Variants in CSMD1 observed in about 807,000 individuals in gnomAD.
CSMD1 encodes the protein CUB and sushi domain-containing protein 1.
CSMD1 carries 213 observed loss-of-function variants against 417.5 expected under a neutral mutation model. That is an observed-to-expected ratio of 0.51 (90% CI 0.46 to 0.57). CSMD1 has a LOEUF of 0.57. CSMD1 is among the 20% of genes least tolerant of loss of function. The pLI is 0.00. For missense variants in CSMD1, 6,923 were observed against 4,529.7 expected, an observed-to-expected ratio of 1.53 and a Z score of -15.17; for synonymous variants, 2,862 against 1,736.8, an observed-to-expected ratio of 1.65 and a Z score of -16.11.
intron 3 of CSMD1, among the ~76,000 whole-genome samples, chr8:4,250,105 G>C (rs1802962087): frequency 6.6e-6 from 1 of 152,124 alleles, no homozygotes; most frequent in Non-Finnish European, 1.5e-5. Flanking sequence ...GGATGACTCA[G>C]CAAGAAAGCC....
chr8:4,637,466 A>C lies in CSMD1; in HGVS notation c.178T>G (p.Trp60Gly). 1 of 1,613,842 alleles carries C rather than the reference A, an allele frequency of 6.2e-7. No homozygotes were observed. Among genetic ancestry groups the C allele is most frequent in the Non-Finnish European group, 8.5e-7 (1 of 1,179,852 alleles). ...HGYPNYANCT[W>G]IIITGERNRI... The stretch of plus-strand genomic sequence containing the variant: ...TTGCGCTCGCCCGTGATGATGATCC[A>C]GGTGCAGTTGGCATAGTTCGGATAC... The change falls in exon 2 of 70, where the codon TGG becomes GGG. Residue 60 changes from tryptophan (W) to glycine (G), a missense_variant. Transcript: ENST00000635120.
chr8:4,245,127 C>G (rs536438664), intron 3 of CSMD1, among the ~76,000 whole-genome samples: 15 of 152,310 alleles, frequency 9.8e-5, no homozygotes, highest in African/African-American at 2.9e-4. Flanking sequence ...TCACTTCACA[C>G]AGAATGTTCC....
chr8:4,788,968 T>A (rs543797335), intron 1 of CSMD1, among the ~76,000 whole-genome samples: 232 of 152,228 alleles, frequency 1.5e-3, no homozygotes, highest in African/African-American at 5.5e-3. Context: ...TGAACTGAGA[T>A]CAGACAGCAC....
chr8:3,495,769 T>C lies in CSMD1; in HGVS notation c.1345-2043A>G, dbSNP rs532623647. 9.9e-4 allele frequency among the ~76,000 whole-genome samples: 151 copies of C among 152,288 alleles called. 3 individuals carry two copies. The Middle Eastern group carries it at 0.014, about 14-fold the overall frequency. ...AGACAAAAGGATAATACATTTCAAG[T>C]TGTGAGCAACTTTAATGACATTGAG... is the stretch of plus-strand genomic sequence containing the variant. On this transcript the variant is annotated intron_variant, in intron 10 of 69. Coordinates refer to ENST00000635120, the MANE Select transcript of CSMD1 (RefSeq NM_033225.6).
intron 12 of CSMD1, among the ~76,000 whole-genome samples, chr8:3,454,379 T>C (rs957389989): frequency 7.9e-5 from 12 of 152,176 alleles, no homozygotes; most frequent in African/African-American, 2.2e-4. Flanking sequence ...TTATTTTGCT[T>C]GTTAGTTGAG....
intron 3 of CSMD1, among the ~76,000 whole-genome samples, chr8:4,050,704 C>T (rs1798380550): frequency 6.6e-6 from 1 of 152,028 alleles, no homozygotes; most frequent in Admixed American, 6.6e-5. Context: ...CAAGCCCCAA[C>T]CTCAAAAACT....
intron 12 of CSMD1, among the ~76,000 whole-genome samples, chr8:3,438,801 T>C (rs1213167897): frequency 1.3e-5 from 2 of 152,028 alleles, no homozygotes; most frequent in African/African-American, 4.8e-5. Flanking sequence ...GGTCATATGA[T>C]AATTGCATGT....
At chr8:3,911,175 G>T (rs1389228411) in intron 5 of CSMD1, among the ~76,000 whole-genome samples, 1 of 152,152 alleles carries the variant, frequency 6.6e-6, no homozygotes. Context: ...GCAAGTGTCT[G>T]CTTCCAGACG....
At chr8:3,026,673 G>C (rs771043066) in intron 51 of CSMD1, among the ~76,000 whole-genome samples, 29 of 152,240 alleles carry the variant, frequency 1.9e-4, no homozygotes, top group African/African-American at 6.8e-4. Flanking sequence ...ACCGTGAGCA[G>C]AGGATCCAGC....
At chr8:4,711,924 C>A (rs1250875169) in intron 1 of CSMD1, among the ~76,000 whole-genome samples, 1 of 152,166 alleles carries the variant, frequency 6.6e-6, no homozygotes, top group Non-Finnish European at 1.5e-5. Context: ...AGGAAAGGGA[C>A]TGAGCTGGCT....
intron 10 of CSMD1, among the ~76,000 whole-genome samples, chr8:3,539,160 T>G (rs1303793860): frequency 1.3e-5 from 2 of 152,152 alleles, no homozygotes; most frequent in African/African-American, 4.8e-5. Flanking sequence ...ACCAAGATGT[T>G]CTGGCCGCAG....
rs571075708 is a variant in CSMD1 at position 3,956,153 on chromosome 8, T to C, written c.818+41750A>G. Among the ~76,000 whole-genome samples, 4 of 150,714 alleles carry C rather than the reference T, an allele frequency of 2.7e-5. No homozygotes were observed. In the South Asian group the frequency reaches 6.3e-4, roughly 24 times the overall value. Reference sequence around the variant, plus strand: ...CAGATCCTGGACCAAAATCTAATAATCTTAGATGCAAAAAGGTTGTACAAT... The same window carrying C: ...CAGATCCTGGACCAAAATCTAATAACCTTAGATGCAAAAAGGTTGTACAAT... On this transcript the variant is annotated intron_variant, in intron 5 of 69. Coordinates refer to ENST00000635120, the MANE Select transcript of CSMD1 (RefSeq NM_033225.6).
chr8:4,351,666 G>A (rs964893451), intron 3 of CSMD1, among the ~76,000 whole-genome samples: 1 of 152,178 alleles, frequency 6.6e-6, no homozygotes, highest in Admixed American at 6.6e-5. Flanking sequence ...TCCCAGGCAA[G>A]ATGTCTTCCA....
chr8:4,953,190 T>C (rs1316044457), intron 1 of CSMD1, among the ~76,000 whole-genome samples: 1 of 152,208 alleles, frequency 6.6e-6, no homozygotes, highest in Non-Finnish European at 1.5e-5. Flanking sequence ...TAGCACTCAT[T>C]GTAGGAGGAA....
chr8:3,360,948 T>G (rs1445090895), intron 20 of CSMD1, among the ~76,000 whole-genome samples: 1 of 152,108 alleles, frequency 6.6e-6, no homozygotes, highest in Admixed American at 6.6e-5. Flanking sequence ...TGGAACTCTG[T>G]ACCTAAACAC....
chr8:3,826,356 T>C (rs1291248963), intron 5 of CSMD1, among the ~76,000 whole-genome samples: 2 of 152,080 alleles, frequency 1.3e-5, no homozygotes, highest in Admixed American at 6.6e-5. Flanking sequence ...GGTTTGAAAA[T>C]TGCCTCTGAT....
intron 5 of CSMD1, among the ~76,000 whole-genome samples, chr8:3,842,520 C>A (rs1019759957): frequency 5.9e-5 from 9 of 151,942 alleles, no homozygotes; most frequent in African/African-American, 2.2e-4. Context: ...AAGTGGGTTC[C>A]AATTGTAGAT....
chr8:3,892,061 T>G (rs1403596), intron 5 of CSMD1, among the ~76,000 whole-genome samples: 21,022 of 152,000 alleles, frequency 0.14, 2,066 homozygotes, highest in African/African-American at 0.28. Flanking sequence ...CACATTTGGG[T>G]AAGGTTCATT....
intron 3 of CSMD1, among the ~76,000 whole-genome samples, chr8:4,257,718 C>T (rs58394202): frequency 0.095 from 14,453 of 152,110 alleles, 1,000 homozygotes; most frequent in East Asian, 0.35. Flanking sequence ...CACTGGGTAC[C>T]AAATACCTCT....
Sources: gnomAD v4.1 joint callset for allele counts (sites outside exome capture counted in the v4.1 genomes callset) on GRCh38, gnomAD v4.1.1 for gene constraint, MANE v1.5 for transcripts, NCBI Gene and HGNC (gene_info 2026-07-23, HGNC 2026-07-21) for gene names.